The following SMC5 variants were observed in gnomAD, a reference collection of about 807,000 sequenced individuals.
SMC5 encodes structural maintenance of chromosomes 5.
Under a neutral mutation model 148.3 loss-of-function variants are expected in SMC5, and 88 were observed. The ratio of observed to expected loss-of-function variants is 0.59; its 90% CI spans 0.50 to 0.71. The LOEUF (loss-of-function observed/expected upper bound fraction) is 0.71. Among genes scored for constraint, SMC5 ranks in the 30% least tolerant of loss-of-function variants. The pLI is 0.00. For synonymous variants in SMC5, 421 were observed against 432.8 expected (o/e 0.97, Z 0.34); for missense variants, 1,142 against 1,298.9 (o/e 0.88, Z 1.86).
chr9:70,327,890 A>C (rs2036121687), intron 17 of SMC5, among the ~76,000 whole-genome samples: 1 of 152,188 alleles, frequency 6.6e-6, no homozygotes, highest in Admixed American at 6.5e-5. Context: ...CAGGCTGTAT[A>C]GGAAGCGTGG....
intron 11 of SMC5, among the ~76,000 whole-genome samples, chr9:70,307,913 C>A (rs1411341154): frequency 6.6e-6 from 1 of 152,156 alleles, no homozygotes; most frequent in Non-Finnish European, 1.5e-5. Context: ...TTGAGCACTT[C>A]TTTCTTTTTG....
intron 8 of SMC5, among the ~76,000 whole-genome samples, chr9:70,293,595 C>T (rs2035122525): frequency 6.6e-6 from 1 of 152,032 alleles, no homozygotes; most frequent in Non-Finnish European, 1.5e-5. Context: ...TTCCTGTTAT[C>T]ACTGCATTAG....
At chr9:70,327,793 G>A (rs1182255911) in intron 17 of SMC5, among the ~76,000 whole-genome samples, 1 of 152,144 alleles carries the variant, frequency 6.6e-6, no homozygotes, top group Non-Finnish European at 1.5e-5. Context: ...CACCACCACT[G>A]TGGAATAGGG....
At chr9:70,281,267 C>A (rs1180114) in intron 6 of SMC5, among the ~76,000 whole-genome samples, 32,380 of 151,940 alleles carry the variant, frequency 0.21, 3,560 homozygotes, top group South Asian at 0.28. Context: ...GTCTTGAACT[C>A]CTGACCTCAG....
chr9:70,328,700 G>A (rs148046606), intron 17 of SMC5, among the ~76,000 whole-genome samples: 488 of 152,288 alleles, frequency 3.2e-3, no homozygotes, highest in African/African-American at 0.011. Flanking sequence ...GAGGACGGTG[G>A]CCCTCTTCTC....
chr9:70,313,581 G>A (rs757794208), intron 11 of SMC5, among the ~76,000 whole-genome samples: 9 of 151,746 alleles, frequency 5.9e-5, no homozygotes, highest in Non-Finnish European at 1.5e-5. Flanking sequence ...AACTGCAACC[G>A]CTGCCTCCTG....
At chr9:70,282,102 A>G (rs550153820) in intron 6 of SMC5, among the ~76,000 whole-genome samples, 3 of 147,862 alleles carry the variant, frequency 2.0e-5, no homozygotes, top group Non-Finnish European at 4.5e-5. Flanking sequence ...ACATCCCTGT[A>G]TCTCTTCTTT....
At chr9:70,271,729 G>T (rs1038434672) in intron 3 of SMC5, among the ~76,000 whole-genome samples, 3 of 152,184 alleles carry the variant, frequency 2.0e-5, no homozygotes, top group Non-Finnish European at 2.9e-5. Context: ...TCACTGAGAA[G>T]ATAGGATTTA....
At chr9:70,274,015 A>C (rs2034519522) in intron 3 of SMC5, among the ~76,000 whole-genome samples, 1 of 152,204 alleles carries the variant, frequency 6.6e-6, no homozygotes, top group South Asian at 2.1e-4. Flanking sequence ...CTATTCCTCT[A>C]TGCAGATTTG....
intron 13 of SMC5, among the ~76,000 whole-genome samples, chr9:70,316,186 T>C (rs2035796131): frequency 6.6e-6 from 1 of 152,100 alleles, no homozygotes; most frequent in Non-Finnish European, 1.5e-5. Context: ...TGCACTTTTA[T>C]CACAGGCAGA....
At chr9:70,259,635 G>A (rs1231549995) in intron 1 of SMC5, among the ~76,000 whole-genome samples, 2 of 152,176 alleles carry the variant, frequency 1.3e-5, no homozygotes, top group African/African-American at 4.8e-5. Flanking sequence ...GGAGGCAACA[G>A]TTAATTCGGC....
intron 8 of SMC5, among the ~76,000 whole-genome samples, chr9:70,293,128 T>G: frequency 6.6e-6 from 1 of 152,158 alleles, no homozygotes. Flanking sequence ...TTGTAGAGAT[T>G]TCTTCTTGGA....
At chr9:70,334,552 G>A (rs1433189357) in intron 17 of SMC5, among the ~76,000 whole-genome samples, 1 of 152,118 alleles carries the variant, frequency 6.6e-6, no homozygotes. Context: ...GCCAAATCTA[G>A]CCCAAGGTCT....
chr9:70,299,017 T>C (rs2035284905), intron 9 of SMC5, among the ~76,000 whole-genome samples: 1 of 151,816 alleles, frequency 6.6e-6, no homozygotes, highest in Non-Finnish European at 1.5e-5. Flanking sequence ...ATAAATAATA[T>C]ACATATCCTT....
At chr9:70,312,139 A>C (rs1232413025) in intron 11 of SMC5, 1 of 153,768 alleles carries the variant, frequency 6.5e-6, no homozygotes, top group South Asian at 2.1e-4. Context: ...AAAAAAAAAA[A>C]AAAAAAAAAC....
In SMC5 at chr9:70,354,641, T is replaced by A. The variant is rs2036867379; in HGVS notation, c.*2310T>A. On this transcript the variant is annotated 3_prime_UTR_variant, in exon 25 of 25. Transcript: ENST00000361138. ...ACAAGCATTTTCTATGCCTAAATCT[T>A]CATTGGTTTGCCTGGAAAGAGTCTC... 6.6e-6 allele frequency: 1 copy of A among 152,244 alleles called. No homozygotes were observed. The highest frequency in any genetic ancestry group is 1.5e-5 in the Non-Finnish European group (1 of 68,044). 9.4% of individuals were successfully genotyped at this position (152,244 alleles called of 1,614,324 possible). A position where few individuals can be genotyped will look rare whatever the true frequency, so the allele number is the denominator to read the frequency against.
At position 70,352,340 on chromosome 9, in the gene SMC5, A is replaced by G; in HGVS notation, c.*9A>G. 1 of 1,579,516 alleles carries G rather than the reference A, an allele frequency of 6.3e-7. No individual in the cohort carries two copies. The highest frequency in any genetic ancestry group is 1.2e-5 in the South Asian group (1 of 84,992). ...TCACTCAACCTTCTTAATAAAAGTA[A>G]AGAGAGGGAACTTGGGAATTTTTTT... is the stretch of plus-strand genomic sequence containing the variant. On this transcript the variant is annotated 3_prime_UTR_variant, in exon 25 of 25. Transcript: ENST00000361138.
Position 70,318,912 on chromosome 9 carries a change from GA to G in SMC5, c.2104del (p.Thr702ProfsTer14). On this transcript the variant is annotated frameshift_variant, in exon 15 of 25. Transcript: ENST00000361138. LOFTEE classifies it high-confidence loss of function. The stretch of plus-strand genomic sequence containing the variant: ...CAAAAGAAGAAGGAGCTTCTTGAGA[GA>G]AAAACCAAGAAAAGACAACTGGAAC... ...LRQKKKELLERKTKKRQLEQK... is the reference protein window; with the variant it reads ...LRQKKKELLEXKTKKRQLEQK... 6.2e-7 allele frequency: 1 copy of G among 1,610,844 alleles called. No individual in the cohort carries two copies.
At chr9:70,260,817 C>G (rs1009696554) in intron 1 of SMC5, among the ~76,000 whole-genome samples, 4 of 152,124 alleles carry the variant, frequency 2.6e-5, no homozygotes, top group Admixed American at 1.3e-4. Flanking sequence ...ATCAGGGCTC[C>G]GTGAAGCCTG....
Sources: gnomAD v4.1 joint callset for allele counts (sites outside exome capture counted in the v4.1 genomes callset) on GRCh38, gnomAD v4.1.1 for gene constraint, MANE v1.5 for transcripts, NCBI Gene and HGNC (gene_info 2026-07-23, HGNC 2026-07-21) for gene names.